KHDRBS2: variants seen among roughly 807,000 people sequenced by gnomAD.
KHDRBS2 encodes KH RNA binding domain containing, signal transduction associated 2, also known as KH domain-containing, RNA-binding, signal transduction-associated protein 2.
Under a neutral mutation model 44.3 loss-of-function variants are expected in KHDRBS2, and 26 were observed. The observed-to-expected ratio is 0.59, with a 90% CI of 0.43 to 0.81. The LOEUF is 0.81. Among genes scored for constraint, KHDRBS2 ranks in the 40% least tolerant of loss-of-function variants. The pLI, the probability that KHDRBS2 is intolerant of heterozygous loss-of-function variation, is 0.00. For missense variants in KHDRBS2, 476 were observed against 433.1 expected (o/e 1.10, Z -0.88); for synonymous variants, 194 against 151.1 (o/e 1.28, Z -2.08).
intron 2 of KHDRBS2, among the ~76,000 whole-genome samples, chr6:62,115,577 G>C (rs2150078294): frequency 6.6e-6 from 1 of 152,240 alleles, no homozygotes; most frequent in African/African-American, 2.4e-5. Flanking sequence ...GTAAATCATA[G>C]GGGGAAATAT....
intron 6 of KHDRBS2, among the ~76,000 whole-genome samples, chr6:61,836,407 G>T (rs1054879481): frequency 5.9e-5 from 9 of 152,014 alleles, no homozygotes; most frequent in African/African-American, 2.2e-4. Flanking sequence ...GGATGGATCT[G>T]AAGAGTTGGC....
chr6:61,923,474 T>C (rs1223269001), intron 4 of KHDRBS2, among the ~76,000 whole-genome samples: 2 of 151,982 alleles, frequency 1.3e-5, no homozygotes, highest in African/African-American at 4.8e-5. Context: ...ATTAAAGATA[T>C]GTAAGGCCGT....
At chr6:61,820,722 A>C (rs1789764225) in intron 6 of KHDRBS2, among the ~76,000 whole-genome samples, 1 of 152,062 alleles carries the variant, frequency 6.6e-6, no homozygotes, top group Non-Finnish European at 1.5e-5. Context: ...AGACATACAC[A>C]ATCCATTTAT....
intron 1 of KHDRBS2, among the ~76,000 whole-genome samples, chr6:62,265,850 T>C (rs566711428): frequency 1.3e-5 from 2 of 152,204 alleles, no homozygotes; most frequent in Admixed American, 6.6e-5. Flanking sequence ...AATACAAACA[T>C]ACTATTTGAA....
At chr6:61,619,043 A>T in the KHDRBS2 span, among the ~76,000 whole-genome samples, 1 of 152,206 alleles carries the variant, frequency 6.6e-6, no homozygotes, top group Non-Finnish European at 1.5e-5. Context: ...TTGTGGAACT[A>T]GGCCATTTTA....
chr6:61,827,376 A>G (rs571509346), intron 6 of KHDRBS2, among the ~76,000 whole-genome samples: 1 of 152,298 alleles, frequency 6.6e-6, no homozygotes, highest in South Asian at 2.1e-4. Flanking sequence ...AGAAGTCAGA[A>G]CTTCATTTAT....
intron 6 of KHDRBS2, among the ~76,000 whole-genome samples, chr6:61,809,272 T>A (rs1787711251): frequency 6.6e-6 from 1 of 152,120 alleles, no homozygotes; most frequent in Admixed American, 6.6e-5. Context: ...GTGGCTTCTG[T>A]TGTTCTGCTT....
intron 4 of KHDRBS2, among the ~76,000 whole-genome samples, chr6:61,966,969 C>T (rs1346775803): frequency 6.6e-6 from 1 of 151,280 alleles, no homozygotes; most frequent in Non-Finnish European, 1.5e-5. Context: ...TTTTAAAATT[C>T]CTAATTATGT....
chr6:62,169,863 T>C (rs951031887), intron 2 of KHDRBS2, among the ~76,000 whole-genome samples: 1 of 151,790 alleles, frequency 6.6e-6, no homozygotes, highest in African/African-American at 2.4e-5. Context: ...GAAGCCACAG[T>C]TGCAATGTGT....
chr6:62,046,728 G>T (rs1037584935), intron 3 of KHDRBS2, among the ~76,000 whole-genome samples: 1 of 151,856 alleles, frequency 6.6e-6, no homozygotes, highest in African/African-American at 2.4e-5. Flanking sequence ...TTAAATATTT[G>T]TAATATTTAT....
At chr6:61,564,068 G>T in the KHDRBS2 span, among the ~76,000 whole-genome samples, 2 of 152,068 alleles carry the variant, frequency 1.3e-5, no homozygotes, top group African/African-American at 2.4e-5. Flanking sequence ...CCACAAGATC[G>T]TCAGTTTGGA....
At chr6:61,873,969 T>C (rs562915687) in intron 6 of KHDRBS2, among the ~76,000 whole-genome samples, 111 of 152,112 alleles carry the variant, frequency 7.3e-4, no homozygotes, top group African/African-American at 2.5e-3. Flanking sequence ...TTCTAATCTG[T>C]GTACTTTATG....
intron 2 of KHDRBS2, among the ~76,000 whole-genome samples, chr6:62,108,410 C>G (rs1804064423): frequency 6.6e-6 from 1 of 152,132 alleles, no homozygotes; most frequent in African/African-American, 2.4e-5. Flanking sequence ...CCATCTCACA[C>G]CAGTTAGAAT....
intron 4 of KHDRBS2, among the ~76,000 whole-genome samples, chr6:61,957,926 TTC>T (rs200916859): frequency 0.058 from 8,782 of 152,220 alleles, 296 homozygotes; most frequent in Middle Eastern, 0.14. Context: ...CTTTAAAATT[TTC>T]TCTCTTTTGT....
intron 4 of KHDRBS2, among the ~76,000 whole-genome samples, chr6:61,943,363 C>T (rs1812542666): frequency 6.6e-6 from 1 of 151,286 alleles, no homozygotes; most frequent in African/African-American, 2.4e-5. Context: ...TCAAATGACA[C>T]CATTAAAAAA....
the KHDRBS2 span, among the ~76,000 whole-genome samples, chr6:61,574,126 C>T: frequency 4.6e-5 from 7 of 152,102 alleles, no homozygotes; most frequent in Non-Finnish European, 1.0e-4. Flanking sequence ...GTTAACCCAA[C>T]ACAGGCATGC....
intron 6 of KHDRBS2, among the ~76,000 whole-genome samples, chr6:61,763,383 C>T (rs957732079): frequency 6.6e-6 from 1 of 152,134 alleles, no homozygotes; most frequent in Admixed American, 6.6e-5. Flanking sequence ...AGGCAGTATA[C>T]GTATGCTTCT....
chr6:61,905,346 T>A (rs1221476261), intron 4 of KHDRBS2, among the ~76,000 whole-genome samples: 2 of 151,732 alleles, frequency 1.3e-5, no homozygotes, highest in African/African-American at 4.8e-5. Context: ...AGTGCTCTAG[T>A]AGAAAATATA....
At chr6:61,843,753 T>C (rs1417333184) in intron 6 of KHDRBS2, among the ~76,000 whole-genome samples, 1 of 152,154 alleles carries the variant, frequency 6.6e-6, no homozygotes, top group Non-Finnish European at 1.5e-5. Flanking sequence ...CACATGCATA[T>C]AGAAAGCTTA....
Sources: gnomAD v4.1 joint callset for allele counts (sites outside exome capture counted in the v4.1 genomes callset) on GRCh38, gnomAD v4.1.1 for gene constraint, MANE v1.5 for transcripts, NCBI Gene and HGNC (gene_info 2026-07-23, HGNC 2026-07-21) for gene names.